PNKD: variants seen among roughly 807,000 people sequenced by gnomAD.
PNKD encodes the protein PNKD metallo-beta-lactamase domain containing, also known as probable thioesterase PNKD.
A neutral mutation model predicts 45.3 loss-of-function variants in PNKD; 36 were observed. The observed-to-expected ratio is 0.80, with a 90% confidence interval of 0.61 to 1.05. The LOEUF (loss-of-function observed/expected upper bound fraction) is 1.05, where lower values mean the gene tolerates loss of function less well. Ranked by LOEUF, PNKD falls within the 50% of genes least tolerant of loss-of-function variation. The pLI, the probability that PNKD is intolerant of heterozygous loss-of-function variation, is 0.00. For missense variants in PNKD, 511 were observed against 506.6 expected (o/e 1.01, Z -0.08); for synonymous variants, 197 against 210.1 (o/e 0.94, Z 0.54).
intron 2 of PNKD, chr2:218,275,893 G>T: frequency 8.9e-7 from 1 of 1,120,916 alleles, no homozygotes; most frequent in Non-Finnish European, 1.3e-6. Flanking sequence ...TGGAATCTCT[G>T]GACAGTAGTG....
intron 2 of PNKD, chr2:218,277,681 G>A (rs1175791411): frequency 6.8e-6 from 11 of 1,614,150 alleles, no homozygotes; most frequent in Non-Finnish European, 9.3e-6. Flanking sequence ...CTAAGGGAAG[G>A]AGAGAGACAA....
chr2:218,339,012 G>C (rs1372114811), intron 2 of PNKD, among the ~76,000 whole-genome samples: 1 of 151,266 alleles, frequency 6.6e-6, no homozygotes, highest in Non-Finnish European at 1.5e-5. Context: ...GCCCAGGCTG[G>C]TCTCGAACTC....
chr2:218,344,524 G>A lies in PNKD; in HGVS notation c.938G>A (p.Arg313Lys), dbSNP rs1694772495. 3.1e-6 allele frequency: 5 copies of A among 1,593,226 alleles called. No homozygotes were observed. Among genetic ancestry groups the A allele is most frequent in the Non-Finnish European group, 4.3e-6 (5 of 1,169,730 alleles). Residue 313 changes from arginine (R) to lysine (K), a missense_variant, in exon 9 of 10, where the codon AGG becomes AAG. Physicochemically the swap from Arg to Lys is conservative, Grantham distance 26. Transcript: ENST00000273077. The stretch of plus-strand genomic sequence containing the variant: ...GAGCCCGAGAACCTGGCCCGGGAGA[G>A]GAAGATGCAGTGGGTGCAGCGGCAG... ...VVEPENLARE[R>K]KMQWVQRQRL...
intron 2 of PNKD, among the ~76,000 whole-genome samples, chr2:218,327,561 T>G (rs1342896131): frequency 6.6e-6 from 1 of 152,146 alleles, no homozygotes; most frequent in African/African-American, 2.4e-5. Context: ...AGCTTCCCCC[T>G]GCTGCCTGGT....
intron 2 of PNKD, among the ~76,000 whole-genome samples, chr2:218,307,686 A>T (rs1693458445): frequency 6.6e-6 from 1 of 152,108 alleles, no homozygotes; most frequent in East Asian, 1.9e-4. Context: ...GGGGACCCCT[A>T]CCGTGGGGCA....
At chr2:218,308,436 C>T (rs546026348) in intron 2 of PNKD, among the ~76,000 whole-genome samples, 1 of 152,132 alleles carries the variant, frequency 6.6e-6, no homozygotes, top group African/African-American at 2.4e-5. Context: ...ATCTGCCCGC[C>T]TCAGCCTCCC....
intron 6 of PNKD, 158 bp downstream of exon 6, chr2:218,341,784 C>T (rs1436825029): frequency 2.6e-6 from 2 of 765,184 alleles, no homozygotes; most frequent in Admixed American, 2.0e-5. Flanking sequence ...CTGCCCATCC[C>T]CCAACTGATC....
intron 2 of PNKD, chr2:218,281,949 TG>T: frequency 6.3e-7 from 1 of 1,597,390 alleles, no homozygotes; most frequent in African/African-American, 1.3e-5. Flanking sequence ...CCGTAGTTCA[TG>T]GGCATCGGGT....
At chr2:218,280,213 G>C in intron 2 of PNKD, 1 of 974,824 alleles carries the variant, frequency 1.0e-6, no homozygotes, top group Non-Finnish European at 1.6e-6. Flanking sequence ...CAAAGTCTCA[G>C]GGATCTCCAG....
rs62182825 is a variant in PNKD, at chr2:218,282,573, G to A, written c.236+11024G>A. On this transcript the variant is annotated intron_variant, in intron 2 of 9. Coordinates refer to ENST00000273077, the MANE Select transcript of PNKD (RefSeq NM_015488.5). ...GATGGGCCAGGCACAGCCTCCTGGCGACTCACAGGGCCAGCTGGGACCCTC... is the reference window on the plus strand; with the variant it reads ...GATGGGCCAGGCACAGCCTCCTGGCAACTCACAGGGCCAGCTGGGACCCTC... Among the ~76,000 whole-genome samples, 6 of 152,246 alleles carry A rather than the reference G, an allele frequency of 3.9e-5. No homozygotes were observed. The East Asian group carries it at 5.8e-4, about 15-fold the overall frequency.
At chr2:218,289,440 G>A (rs901192715) in intron 2 of PNKD, among the ~76,000 whole-genome samples, 1 of 151,938 alleles carries the variant, frequency 6.6e-6, no homozygotes, top group Non-Finnish European at 1.5e-5. Context: ...TCAGGTGTTC[G>A]AGACCAGCCT....
chr2:218,289,794 G>C (rs1279819476), intron 2 of PNKD, among the ~76,000 whole-genome samples: 1 of 152,078 alleles, frequency 6.6e-6, no homozygotes, highest in Non-Finnish European at 1.5e-5. Context: ...ATCTTCAGAG[G>C]CAGAAGTACA....
At chr2:218,319,419 A>G (rs1574697051) in intron 2 of PNKD, among the ~76,000 whole-genome samples, 1 of 108,768 alleles carries the variant, frequency 9.2e-6, no homozygotes, top group African/African-American at 3.7e-5. Flanking sequence ...TTTATCGCCC[A>G]GGCTGGAGTG....
intron 2 of PNKD, among the ~76,000 whole-genome samples, chr2:218,272,195 C>T (rs1690864046): frequency 6.6e-6 from 1 of 152,136 alleles, no homozygotes; most frequent in African/African-American, 2.4e-5. Context: ...GGTACCTTGG[C>T]CAAGTCTCAG....
rs1421249273 is a variant in PNKD, at chr2:218,339,864, A to T, written c.318A>T (p.Lys106Asn). Residue 106 changes from lysine to asparagine, a missense_variant, in exon 3 of 10, where the codon AAA becomes AAT. Lys to Asn is a moderately conservative substitution (Grantham distance 94). Transcript: ENST00000273077. ...QLRRARNRYP[K>N]GHSKTQPRLF... ...GCAGGGCTCGGAATCGCTACCCTAAAGGCCACTCGAAAACCCAGCCCCGCC... is the reference window on the plus strand; with the variant it reads ...GCAGGGCTCGGAATCGCTACCCTAATGGCCACTCGAAAACCCAGCCCCGCC... 2.5e-6 allele frequency: 4 copies of T among 1,608,836 alleles called. No homozygotes were observed. Among genetic ancestry groups the T allele is most frequent in the Non-Finnish European group, 3.4e-6 (4 of 1,177,632 alleles).
chr2:218,285,280 C>A (rs370979536), intron 2 of PNKD, among the ~76,000 whole-genome samples: 1 of 152,162 alleles, frequency 6.6e-6, no homozygotes, highest in Non-Finnish European at 1.5e-5. Flanking sequence ...GCCAAGATAA[C>A]CTAGCTAGAG....
chr2:218,289,519 A>G (rs1256354787), intron 2 of PNKD, among the ~76,000 whole-genome samples: 1 of 151,392 alleles, frequency 6.6e-6, no homozygotes, highest in African/African-American at 2.4e-5. Context: ...GCACATGCCT[A>G]TAATCCCAGC....
At chr2:218,282,269 G>T in intron 2 of PNKD, 2 of 765,942 alleles carry the variant, frequency 2.6e-6, no homozygotes, top group Non-Finnish European at 3.9e-6. Flanking sequence ...TGTCCAGGCT[G>T]CCTCCGTGGA....
rs1694690095 is a variant in PNKD at position 218,341,961 on chromosome 2, C to G, written c.618-20C>G. On this transcript the variant is annotated intron_variant, in intron 6 of 9. Transcript: ENST00000273077. ...GGCACAGATCCAATACCTTCTGTCC[C>G]CTGCTCCCTTGTTCCCCAGTCCCCT... The G allele has an allele frequency of 6.2e-7, 1 of 1,602,552 alleles. No individual in the cohort carries two copies. The highest frequency in any genetic ancestry group is 1.1e-5 in the South Asian group (1 of 90,836).
Sources: allele counts gnomAD v4.1 joint callset (sites outside exome capture counted in the v4.1 genomes callset), GRCh38; gene constraint gnomAD v4.1.1; transcripts MANE v1.5; gene names NCBI Gene and HGNC (gene_info 2026-07-23, HGNC 2026-07-21).